UNC13C: variants seen among roughly 807,000 people sequenced by gnomAD.
UNC13C encodes unc-13 homolog C.
UNC13C carries 174 observed loss-of-function variants against 245.4 expected under a neutral mutation model. The ratio of observed to expected loss-of-function variants is 0.71; its 90% CI spans 0.63 to 0.80. The LOEUF is 0.80. UNC13C is among the 30% of genes least tolerant of loss of function. UNC13C has a pLI of 0.00. For synonymous variants in UNC13C, 992 were observed against 895.1 expected (o/e 1.11, Z -1.93); for missense variants, 2,829 against 2,602.9 (o/e 1.09, Z -1.89).
At chr15:54,005,544 G>A (rs1895096861) in intron 1 of UNC13C, among the ~76,000 whole-genome samples, 1 of 152,070 alleles carries the variant, frequency 6.6e-6, no homozygotes, top group African/African-American at 2.4e-5. Context: ...GACAATGCCT[G>A]GCATATAATA....
chr15:54,614,027 C>T (rs912644375), intron 30 of UNC13C, among the ~76,000 whole-genome samples: 3 of 151,938 alleles, frequency 2.0e-5, no homozygotes, highest in African/African-American at 7.2e-5. Flanking sequence ...ACAAGTAGTT[C>T]CCCAGAGGGA....
chr15:54,013,840 G>C lies in UNC13C; in HGVS notation c.937G>C (p.Gly313Arg). ...CATCCATGATTATATTAAGCACTTA[G>C]GTCATATGGGTAGCAAGGCAAGCCT... is the stretch of plus-strand genomic sequence containing the variant. Reference protein sequence around the residue: ...RDIHDYIKHLGHMGSKASLRF... With the variant: ...RDIHDYIKHLRHMGSKASLRF... Residue 313 changes from glycine to arginine, a missense_variant, in exon 2 of 33, where the codon GGT (glycine) becomes CGT (arginine). By Grantham distance (125) the Gly-to-Arg change is moderately radical. Coordinates refer to ENST00000260323, the MANE Select transcript of UNC13C (RefSeq NM_001080534.3). 1 of 1,613,328 alleles carries C rather than the reference G, an allele frequency of 6.2e-7. No homozygotes were observed. Among genetic ancestry groups the C allele is most frequent in the South Asian group, 1.1e-5 (1 of 91,032 alleles).
At chr15:54,383,535 AT>A (rs1022062192) in intron 17 of UNC13C, among the ~76,000 whole-genome samples, 22 of 152,094 alleles carry the variant, frequency 1.4e-4, no homozygotes, top group Admixed American at 7.2e-4. Context: ...AATAAATACC[AT>A]ATATGATAAA....
chr15:53,998,628 T>C (rs1945254268), intron 1 of UNC13C, among the ~76,000 whole-genome samples: 1 of 152,148 alleles, frequency 6.6e-6, no homozygotes, highest in Admixed American at 6.5e-5. Flanking sequence ...TATTGACCTA[T>C]CTAAATCCTC....
At chr15:54,341,320 C>G (rs1365997684) in intron 17 of UNC13C, among the ~76,000 whole-genome samples, 17 of 152,174 alleles carry the variant, frequency 1.1e-4, no homozygotes, top group Admixed American at 7.2e-4. Context: ...ATGGATGTGT[C>G]CGGAGGTCAT....
chr15:54,164,176 G>A (rs2033079562), intron 4 of UNC13C, among the ~76,000 whole-genome samples: 1 of 152,102 alleles, frequency 6.6e-6, no homozygotes, highest in African/African-American at 2.4e-5. Context: ...GAGCTAGCTA[G>A]CTAAAGGTAA....
chr15:54,508,838 T>C (rs1407419236), intron 23 of UNC13C, among the ~76,000 whole-genome samples: 1 of 152,220 alleles, frequency 6.6e-6, no homozygotes, highest in Non-Finnish European at 1.5e-5. Flanking sequence ...AGTATATCTA[T>C]GGCAATATAT....
intron 2 of UNC13C, among the ~76,000 whole-genome samples, chr15:54,130,265 T>C (rs1404362280): frequency 4.0e-5 from 6 of 151,186 alleles, no homozygotes; most frequent in Admixed American, 4.0e-4. Context: ...TTGAGGCTTC[T>C]TCGTGGCCAG....
chr15:53,879,520 T>C, the UNC13C span, among the ~76,000 whole-genome samples: 1 of 152,222 alleles, frequency 6.6e-6, no homozygotes, highest in African/African-American at 2.4e-5. Flanking sequence ...TTAATTGTTA[T>C]ATATAGGAAC....
At chr15:54,389,685 C>T (rs2039912003) in intron 17 of UNC13C, among the ~76,000 whole-genome samples, 1 of 151,634 alleles carries the variant, frequency 6.6e-6, no homozygotes, top group African/African-American at 2.4e-5. Context: ...ATATAGTAGG[C>T]ATCTGTCATG....
At chr15:54,053,977 C>G (rs541212133) in intron 2 of UNC13C, among the ~76,000 whole-genome samples, 5 of 152,258 alleles carry the variant, frequency 3.3e-5, no homozygotes, top group South Asian at 2.1e-4. Context: ...GGATCTCATT[C>G]TTTTTTATAG....
intron 1 of UNC13C, among the ~76,000 whole-genome samples, chr15:53,981,769 G>C (rs1473261044): frequency 6.6e-6 from 1 of 152,120 alleles, no homozygotes; most frequent in Non-Finnish European, 1.5e-5. Context: ...TAGGAAGGGA[G>C]ACAGGAATAA....
At chr15:54,129,917 G>GGT (rs1555420650) in intron 2 of UNC13C, among the ~76,000 whole-genome samples, 10 of 121,230 alleles carry the variant, frequency 8.2e-5, no homozygotes, top group Middle Eastern at 5.1e-3. Flanking sequence ...TTTATAATGT[G>GGT]TTTTTTTTTT....
chr15:54,442,661 C>T (rs578051554), intron 19 of UNC13C, among the ~76,000 whole-genome samples: 8 of 152,168 alleles, frequency 5.3e-5, no homozygotes, highest in Non-Finnish European at 7.4e-5. Flanking sequence ...TGAAAGGATG[C>T]TTTTTCTACA....
the UNC13C span, among the ~76,000 whole-genome samples, chr15:53,893,367 C>T: frequency 6.6e-6 from 1 of 152,188 alleles, no homozygotes; most frequent in African/African-American, 2.4e-5. Flanking sequence ...TGACCCTTAA[C>T]AGAGCTTGAA....
At chr15:54,602,987 T>C (rs533799007) in intron 30 of UNC13C, among the ~76,000 whole-genome samples, 74 of 74,978 alleles carry the variant, frequency 9.9e-4, no homozygotes, top group African/African-American at 4.3e-3. Flanking sequence ...GTAGGATCAG[T>C]GGGGAGATTT....
chr15:54,032,764 CCCATAGAAGTAATAACAGTACGCTGATA>C (rs1343062437), intron 2 of UNC13C, among the ~76,000 whole-genome samples: 3 of 152,046 alleles, frequency 2.0e-5, no homozygotes, highest in African/African-American at 7.2e-5. Flanking sequence ...CATGTGGTCC[CCCATAGAAGTAATAACAGTACGCTGATA>C]TTAAAATAGA....
chr15:54,469,332 A>G (rs573790894), intron 19 of UNC13C, among the ~76,000 whole-genome samples: 15 of 151,640 alleles, frequency 9.9e-5, no homozygotes, highest in African/African-American at 3.6e-4. Context: ...TCTTATGTAG[A>G]GTCTTCAGGA....
rs188541050 is a variant in UNC13C, at chr15:54,265,602, T to C, written c.3818+106T>C. The C allele has an allele frequency of 7.8e-5, 66 of 846,758 alleles. 1 individual carries two copies. In the Admixed American group the frequency reaches 2.4e-3, roughly 30 times the overall value. The allele number at this position is 846,758 out of a possible 1,614,324, so 52.5% of individuals were successfully genotyped here. A position where few individuals can be genotyped will look rare whatever the true frequency, so the allele number is the denominator to read the frequency against. ...ATTATCTCATTTTTTAATAATCTCT[T>C]ACCCAAAAGTAATAAAAAAGTAAAA... On this transcript the variant is annotated intron_variant, in intron 10 of 32. Coordinates refer to ENST00000260323, the MANE Select transcript of UNC13C (RefSeq NM_001080534.3).
Sources: allele counts gnomAD v4.1 joint callset (sites outside exome capture counted in the v4.1 genomes callset), GRCh38; gene constraint gnomAD v4.1.1; transcripts MANE v1.5; gene names NCBI Gene and HGNC (gene_info 2026-07-23, HGNC 2026-07-21).